NCAN: variants seen among roughly 807,000 people sequenced by gnomAD.
NCAN encodes neurocan.
Under a neutral mutation model 121.8 loss-of-function variants are expected in NCAN, and 47 were observed. That is an observed-to-expected ratio of 0.39 (90% CI 0.31 to 0.49). The LOEUF is 0.49. Among genes scored for constraint, NCAN ranks in the 20% least tolerant of loss-of-function variants. NCAN has a pLI of 0.92. For missense variants in NCAN, 1,517 were observed against 1,773.4 expected, an observed-to-expected ratio of 0.86 and a Z score of 2.60; for synonymous variants, 633 against 702.0, an observed-to-expected ratio of 0.90 and a Z score of 1.55.
At position 19,251,532 on chromosome 19, in the gene NCAN, A is replaced by G. The variant is rs2060946181; in HGVS notation, c.*1621A>G. On this transcript the variant is annotated 3_prime_UTR_variant, in exon 15 of 15. Coordinates refer to ENST00000252575, the MANE Select transcript of NCAN (RefSeq NM_004386.3). ...GGATTTGGTCCTGTTTTCTGGACCAAATCCTTACTCTGGCTCTGCTTACAC... is the reference window on the plus strand; with the variant it reads ...GGATTTGGTCCTGTTTTCTGGACCAGATCCTTACTCTGGCTCTGCTTACAC... The G allele has an allele frequency of 6.6e-6, 1 of 152,132 alleles. No individual in the cohort carries two copies. Among genetic ancestry groups the G allele is most frequent in the African/African-American group, 2.4e-5 (1 of 41,416 alleles). 9.4% of individuals were successfully genotyped at this position (152,132 alleles called of 1,614,324 possible).
At chr19:19,219,339 G>A in intron 3 of NCAN, 23 bp downstream of exon 3, 2 of 1,475,070 alleles carry the variant, frequency 1.4e-6, no homozygotes, top group Non-Finnish European at 1.8e-6. Flanking sequence ...CAAAGGAGGG[G>A]CCGGGGGCCG....
chr19:19,216,257 T>C (rs1163388376), intron 1 of NCAN, among the ~76,000 whole-genome samples: 1 of 151,892 alleles, frequency 6.6e-6, no homozygotes, highest in African/African-American at 2.4e-5. Context: ...CAAGCAATCC[T>C]CCCACCTCAG....
chr19:19,230,040 C>T (rs1002049574), intron 8 of NCAN, among the ~76,000 whole-genome samples: 1 of 152,064 alleles, frequency 6.6e-6, no homozygotes, highest in Non-Finnish European at 1.5e-5. Flanking sequence ...CTGAGTTGCA[C>T]ACTTTTTTTT....
At chr19:19,242,723 A>G (rs898020592) in intron 12 of NCAN, among the ~76,000 whole-genome samples, 1 of 152,156 alleles carries the variant, frequency 6.6e-6, no homozygotes, top group Non-Finnish European at 1.5e-5. Context: ...CTTGTACATG[A>G]ATGTTCACAG....
chr19:19,250,656 ATC>A lies in NCAN; in HGVS notation c.*749_*750del, dbSNP rs1255898390. ...TTTGGTGGTTCTGCATGTGTGATGA[ATC>A]TCTTTCACACAAATAGACGAGAGGA... is the stretch of plus-strand genomic sequence containing the variant. On this transcript the variant is annotated 3_prime_UTR_variant, in exon 15 of 15. Transcript: ENST00000252575. The A allele has an allele frequency of 3.8e-5, 6 of 159,110 alleles. No homozygotes were observed. Among genetic ancestry groups the A allele is most frequent in the Non-Finnish European group, 6.9e-5 (5 of 72,240 alleles). The allele number at this position is 159,110 out of a possible 1,614,324, so 9.9% of individuals were successfully genotyped here. A position where few individuals can be genotyped will look rare whatever the true frequency, so the allele number is the denominator to read the frequency against.
chr19:19,238,146 G>T lies in NCAN; in HGVS notation c.3251-107G>T, dbSNP rs1001620747. ...ATGGGGAGAGGGGTGATTTCGCCCCGCAGTGACCTTGGATTGGGCCCTCTC... is the reference window on the plus strand; with the variant it reads ...ATGGGGAGAGGGGTGATTTCGCCCCTCAGTGACCTTGGATTGGGCCCTCTC... On this transcript the variant is annotated intron_variant, in intron 10 of 14. Transcript: ENST00000252575. The T allele has an allele frequency of 4.1e-6, 6 of 1,458,968 alleles. No individual in the cohort carries two copies. The Middle Eastern group carries it at 6.7e-4, about 162-fold the overall frequency. The allele number at this position is 1,458,968 out of a possible 1,614,324, so 90.4% of individuals were successfully genotyped here. A position where few individuals can be genotyped will look rare whatever the true frequency, so the allele number is the denominator to read the frequency against.
chr19:19,244,499 G>A (rs571151214), intron 12 of NCAN, among the ~76,000 whole-genome samples: 2 of 151,910 alleles, frequency 1.3e-5, no homozygotes, highest in Admixed American at 6.6e-5. Context: ...ATGAGAGACA[G>A]GGTTTCACCT....
At chr19:19,249,366 C>T (rs1026889329) in intron 14 of NCAN, among the ~76,000 whole-genome samples, 5 of 148,802 alleles carry the variant, frequency 3.4e-5, no homozygotes, top group Admixed American at 6.7e-5. Flanking sequence ...CCACCACATC[C>T]GGCCTGGTTT....
At chr19:19,247,327 C>T (rs1023308495) in intron 13 of NCAN, among the ~76,000 whole-genome samples, 2 of 152,110 alleles carry the variant, frequency 1.3e-5, no homozygotes, top group African/African-American at 2.4e-5. Flanking sequence ...AATCTCGGCT[C>T]ACTACAAGCT....
intron 6 of NCAN, 141 bp from the exon 7 acceptor site, chr19:19,226,345 G>C (rs2060836774): frequency 1.5e-6 from 1 of 664,274 alleles, no homozygotes; most frequent in East Asian, 2.8e-5. Flanking sequence ...CCCAGGCTGG[G>C]GGAATCTCAG....
At chr19:19,218,763 C>T (rs1037220449) in intron 2 of NCAN, 152 bp from the exon 3 acceptor site, 24 of 695,136 alleles carry the variant, frequency 3.5e-5, no homozygotes, top group South Asian at 1.7e-4. Flanking sequence ...TGAGCTATCG[C>T]GTCCAGCCAC....
At chr19:19,213,261 C>G (rs1054580341) in intron 1 of NCAN, among the ~76,000 whole-genome samples, 32 of 152,050 alleles carry the variant, frequency 2.1e-4, no homozygotes, top group Admixed American at 2.1e-3. Flanking sequence ...GTGTGTCCAC[C>G]CCAGACAGGC....
rs769241463 is a variant in NCAN at position 19,224,067 on chromosome 19, C to A, written c.522C>A (p.Thr174=). 1.6e-5 allele frequency: 25 copies of A among 1,594,104 alleles called. No individual in the cohort carries two copies. The South Asian group carries it at 2.8e-4, about 18-fold the overall frequency. Residue 174 remains threonine, a synonymous_variant, in exon 4 of 15, where the codon ACC becomes ACA. Transcript: ENST00000252575. The part of the protein sequence containing the change: ...YRSARDRYAL[T]FAEAQEACRL... ...CAGCCCGGGACCGCTATGCACTGAC[C>A]TTCGCTGAGGCCCAGGAGGCCTGCC...
intron 1 of NCAN, among the ~76,000 whole-genome samples, chr19:19,214,224 ACACT>A (rs2060787786): frequency 6.9e-6 from 1 of 145,160 alleles, no homozygotes; most frequent in Admixed American, 6.9e-5. Context: ...ACACTCACAC[ACACT>A]CTCTCACACA....
intron 12 of NCAN, among the ~76,000 whole-genome samples, chr19:19,242,177 A>G (rs1343874258): frequency 6.6e-6 from 1 of 152,112 alleles, no homozygotes; most frequent in African/African-American, 2.4e-5. Flanking sequence ...CCTGGGCAAC[A>G]GAGCAGGACT....
chr19:19,240,279 A>G (rs542904553), intron 11 of NCAN, among the ~76,000 whole-genome samples: 2 of 148,846 alleles, frequency 1.3e-5, no homozygotes, highest in Non-Finnish European at 1.5e-5. Context: ...CTTCACTTCT[A>G]TCTCCTTCCC....
chr19:19,243,912 G>T lies in NCAN; in HGVS notation c.3493-1401G>T, dbSNP rs941273116. Among the ~76,000 whole-genome samples, 3 of 151,978 alleles carry T rather than the reference G, an allele frequency of 2.0e-5. 1 individual carries two copies. The highest frequency in any genetic ancestry group is 7.3e-5 in the African/African-American group (3 of 41,340). Reference sequence around the variant, plus strand: ...ATGGTGGCGCATGCCTGTAATCCCAGCTACTCAGGAGGCTGGGGCAGGAGA... The same window carrying T: ...ATGGTGGCGCATGCCTGTAATCCCATCTACTCAGGAGGCTGGGGCAGGAGA... On this transcript the variant is annotated intron_variant, in intron 12 of 14. Transcript: ENST00000252575.
rs2060805126 is a variant in NCAN, at chr19:19,218,866, T to A, written c.74-49T>A. 3.5e-6 allele frequency: 5 copies of A among 1,444,844 alleles called. No homozygotes were observed. The South Asian group carries it at 4.8e-5, about 14-fold the overall frequency. The allele number at this position is 1,444,844 out of a possible 1,614,324, so 89.5% of individuals were successfully genotyped here. A position where few individuals can be genotyped will look rare whatever the true frequency, so the allele number is the denominator to read the frequency against. On this transcript the variant is annotated intron_variant, in intron 2 of 14. Transcript: ENST00000252575. ...AAAAGAGGGAAATAGCAGTCCCTGCTTGGTTCTTGCCTCTGAATCAGGCCC... is the reference window on the plus strand; with the variant it reads ...AAAAGAGGGAAATAGCAGTCCCTGCATGGTTCTTGCCTCTGAATCAGGCCC...
chr19:19,243,533 A>G (rs1474981947), intron 12 of NCAN, among the ~76,000 whole-genome samples: 1 of 150,616 alleles, frequency 6.6e-6, no homozygotes. Flanking sequence ...AAAAAAAAAA[A>G]AGAAAAAGAA....
Sources: allele counts gnomAD v4.1 joint callset (sites outside exome capture counted in the v4.1 genomes callset), GRCh38; gene constraint gnomAD v4.1.1; transcripts MANE v1.5; gene names NCBI Gene and HGNC (gene_info 2026-07-23, HGNC 2026-07-21).